Variants in LCP1 observed in about 807,000 individuals in gnomAD.
LCP1 encodes plastin-2.
Under a neutral mutation model 72.0 loss-of-function variants are expected in LCP1, and 23 were observed. The observed-to-expected ratio is 0.32, with a 90% CI of 0.23 to 0.45. The LOEUF is 0.45. Ranked by LOEUF, LCP1 falls within the 20% of genes least tolerant of loss-of-function variation. LCP1 has a pLI of 1.00. For synonymous variants in LCP1, 245 were observed against 275.4 expected, an observed-to-expected ratio of 0.89 and a Z score of 1.09; for missense variants, 571 against 748.3, an observed-to-expected ratio of 0.76 and a Z score of 2.76.
chr13:46,159,809 A>G, intron 1 of LCP1, 123 bp from the exon 2 acceptor site: 1 of 637,316 alleles, frequency 1.6e-6, no homozygotes, highest in Non-Finnish European at 2.8e-6. Flanking sequence ...ATGATTTAGA[A>G]CTATCTTTCC....
intron 1 of LCP1, among the ~76,000 whole-genome samples, chr13:46,173,648 T>G (rs1331648132): frequency 6.6e-6 from 1 of 152,218 alleles, no homozygotes; most frequent in Non-Finnish European, 1.5e-5. Context: ...CCATGCTCTA[T>G]GTTTTAATGT....
At chr13:46,157,451 A>G (rs2045809960) in intron 4 of LCP1, among the ~76,000 whole-genome samples, 1 of 152,074 alleles carries the variant, frequency 6.6e-6, no homozygotes, top group African/African-American at 2.4e-5. Flanking sequence ...TTTTTTCCTA[A>G]CAGTAAAGCT....
chr13:46,158,022 C>T (rs1158045308), intron 4 of LCP1, among the ~76,000 whole-genome samples: 2 of 152,136 alleles, frequency 1.3e-5, no homozygotes, highest in Admixed American at 6.5e-5. Flanking sequence ...CCACTGTGCC[C>T]GGCCTCATGA....
intron 1 of LCP1, among the ~76,000 whole-genome samples, chr13:46,180,987 A>G (rs2045953154): frequency 6.6e-6 from 1 of 152,254 alleles, no homozygotes; most frequent in Non-Finnish European, 1.5e-5. Context: ...ATTTATAGGT[A>G]AATGATTAAT....
At chr13:46,156,373 G>C (rs1198223655) in intron 5 of LCP1, 65 bp downstream of exon 5, 1 of 1,586,774 alleles carries the variant, frequency 6.3e-7, no homozygotes, top group Non-Finnish European at 8.6e-7. Context: ...GATAAATAAC[G>C]ATTAATTGTT....
chr13:46,174,252 G>C (rs1452047201), intron 1 of LCP1, among the ~76,000 whole-genome samples: 1 of 152,128 alleles, frequency 6.6e-6, no homozygotes, highest in Non-Finnish European at 1.5e-5. Context: ...AGAAGTTACA[G>C]ATAAATTGAG....
At chr13:46,144,414 A>C (rs371187044) in intron 11 of LCP1, 28 bp downstream of exon 11, 1 of 1,548,994 alleles carries the variant, frequency 6.5e-7, no homozygotes, top group African/African-American at 1.4e-5. Context: ...TCTATCTTAC[A>C]TTAGAATGAG....
At chr13:46,134,365 C>G in intron 13 of LCP1, 115 bp from the exon 14 acceptor site, 1 of 825,094 alleles carries the variant, frequency 1.2e-6, no homozygotes, top group Non-Finnish European at 1.9e-6. Context: ...ACAGTCTGGA[C>G]ACCATTACAT....
intron 13 of LCP1, among the ~76,000 whole-genome samples, chr13:46,136,151 C>T (rs1352250728): frequency 2.0e-5 from 3 of 151,818 alleles, no homozygotes; most frequent in African/African-American, 4.8e-5. Flanking sequence ...GAACCATCAG[C>T]AGCTCCCCAG....
chr13:46,154,658 C>A lies in LCP1; in HGVS notation c.573+147G>T, dbSNP rs2045789336. The A allele has an allele frequency of 3.3e-5, 21 of 632,072 alleles. 1 individual carries two copies. In the South Asian group the frequency reaches 4.3e-4, roughly 13 times the overall value. The allele number at this position is 632,072 out of a possible 1,614,324, so 39.2% of individuals were successfully genotyped here. A position where few individuals can be genotyped will look rare whatever the true frequency, so the allele number is the denominator to read the frequency against. ...TTCTTTGCTGCTCAGAAATGTATCC[C>A]TTTATCCCTGAAGTATGACAAGTCA... On this transcript the variant is annotated intron_variant, in intron 6 of 15. Transcript: ENST00000323076.
At chr13:46,171,553 G>C (rs1189750602) in intron 1 of LCP1, among the ~76,000 whole-genome samples, 1 of 152,028 alleles carries the variant, frequency 6.6e-6, no homozygotes, top group African/African-American at 2.4e-5. Flanking sequence ...TGGAGAAAAG[G>C]GTCCTCTTTG....
chr13:46,153,136 G>A (rs573725094), intron 6 of LCP1, 191 bp from the exon 7 acceptor site: 11 of 535,990 alleles, frequency 2.1e-5, no homozygotes, highest in East Asian at 6.8e-5. Context: ...CCCAGACACC[G>A]ACCACTCATG....
intron 5 of LCP1, among the ~76,000 whole-genome samples, chr13:46,155,719 C>T (rs930770555): frequency 5.3e-5 from 8 of 152,168 alleles, no homozygotes; most frequent in African/African-American, 9.7e-5. Context: ...AAAGACACCA[C>T]GTTGCATTGA....
At chr13:46,160,790 G>C (rs1472381030) in intron 1 of LCP1, among the ~76,000 whole-genome samples, 1 of 152,216 alleles carries the variant, frequency 6.6e-6, no homozygotes, top group Non-Finnish European at 1.5e-5. Flanking sequence ...TACTGGTGCA[G>C]AGGGGATAAG....
intron 13 of LCP1, among the ~76,000 whole-genome samples, chr13:46,139,301 G>T (rs1283044122): frequency 6.6e-6 from 1 of 152,180 alleles, no homozygotes; most frequent in African/African-American, 2.4e-5. Context: ...TGTGGAAATG[G>T]GTAATGGAGC....
intron 9 of LCP1, 85 bp downstream of exon 9, chr13:46,148,267 C>T: frequency 1.1e-6 from 1 of 935,560 alleles, no homozygotes; most frequent in East Asian, 2.4e-5. Context: ...CATGGAACTC[C>T]AGAATCAGGG....
At chr13:46,163,063 G>T (rs1394334642) in intron 1 of LCP1, among the ~76,000 whole-genome samples, 2 of 142,362 alleles carry the variant, frequency 1.4e-5, no homozygotes, top group Non-Finnish European at 3.1e-5. Context: ...GGAGGTGGGG[G>T]GCGCCTCTGC....
Position 46,156,454 on chromosome 13 carries a change from C to T in LCP1, c.475G>A (p.Asp159Asn). 6.2e-7 allele frequency: 1 copy of T among 1,613,988 alleles called. No homozygotes were observed. Reference protein sequence around the residue: ...NTNDLFNAVGDGIVLCKMINL... With the variant: ...NTNDLFNAVGNGIVLCKMINL... ...ATTATTTACCAAAGGACAATGCCAT[C>T]TCCAACAGCATTAAAGAGATCATTC... Residue 159 changes from aspartate (D) to asparagine (N), a missense_variant, in exon 5 of 16, where the codon GAT becomes AAT. Transcript: ENST00000323076.
rs146264207 is a variant in LCP1, at chr13:46,148,755, A to G, written c.883-308T>C. 4.6e-3 allele frequency: 3,670 copies of G among 806,430 alleles called. 20 individuals are homozygous for G. Among genetic ancestry groups the G allele is most frequent in the Admixed American group, 0.031 (601 of 19,442 alleles). 50.0% of individuals were successfully genotyped at this position (806,430 alleles called of 1,614,324 possible). Reference sequence around the variant, plus strand: ...AAAACAACTTATTTACATGAATTAAATTGTATACAGGAAAATATATATATA... The same window carrying G: ...AAAACAACTTATTTACATGAATTAAGTTGTATACAGGAAAATATATATATA... On this transcript the variant is annotated intron_variant, in intron 8 of 15. Transcript: ENST00000323076.
Sources: gnomAD v4.1 joint callset for allele counts (sites outside exome capture counted in the v4.1 genomes callset) on GRCh38, gnomAD v4.1.1 for gene constraint, MANE v1.5 for transcripts, NCBI Gene and HGNC (gene_info 2026-07-23, HGNC 2026-07-21) for gene names.